Variants in PAK1IP1 observed in about 807,000 individuals in gnomAD.
PAK1IP1 encodes the protein PAK1 interacting protein 1, also known as p21-activated protein kinase-interacting protein 1.
A neutral mutation model predicts 42.0 loss-of-function variants in PAK1IP1; 24 were observed. The ratio of observed to expected loss-of-function variants is 0.57; its 90% confidence interval spans 0.41 to 0.80. PAK1IP1 has a LOEUF of 0.80. Ranked by LOEUF, PAK1IP1 falls within the 30% of genes least tolerant of loss-of-function variation. PAK1IP1 has a pLI of 0.00. For synonymous variants in PAK1IP1, 154 were observed against 156.7 expected, an observed-to-expected ratio of 0.98 and a Z score of 0.13; for missense variants, 411 against 467.9, an observed-to-expected ratio of 0.88 and a Z score of 1.12.
chr6:10,691,693 T>C (rs564853353), upstream of PAK1IP1, among the ~76,000 whole-genome samples: 44 of 152,206 alleles, frequency 2.9e-4, no homozygotes, highest in Non-Finnish European at 5.3e-4. Flanking sequence ...AAAATGTATA[T>C]CCACATATTT....
chr6:10,709,526 T>C lies in PAK1IP1; in HGVS notation c.*74T>C, dbSNP rs534588059. 6.2e-5 allele frequency: 58 copies of C among 937,840 alleles called. No homozygotes were observed. The highest frequency in any genetic ancestry group is 1.0e-4 in the African/African-American group (6 of 57,942). 58.1% of individuals were successfully genotyped at this position (937,840 alleles called of 1,614,324 possible). On this transcript the variant is annotated 3_prime_UTR_variant, in exon 10 of 10. Transcript: ENST00000379568. ...CAAATGTACCTTAATTTTTTTTTTT[T>C]CCCTGAGTAAAAGCAAGAAATTTCT...
upstream of PAK1IP1, among the ~76,000 whole-genome samples, chr6:10,691,067 GCT>G (rs1441754907): frequency 1.3e-5 from 2 of 152,166 alleles, no homozygotes; most frequent in Non-Finnish European, 2.9e-5. Context: ...AGCATTGCTG[GCT>G]CTGTTATTTA....
At chr6:10,708,890 C>T in intron 8 of PAK1IP1, 63 bp from the exon 9 acceptor site, 2 of 1,375,446 alleles carry the variant, frequency 1.5e-6, no homozygotes, top group Non-Finnish European at 2.0e-6. Context: ...ATTAAGGTAA[C>T]TTGATTATGG....
chr6:10,703,732 T>A (rs780296341), intron 5 of PAK1IP1, among the ~76,000 whole-genome samples: 1 of 152,258 alleles, frequency 6.6e-6, no homozygotes, highest in Non-Finnish European at 1.5e-5. Flanking sequence ...CTCGAGATAT[T>A]TCATTGTATA....
In PAK1IP1 at chr6:10,709,539, G is replaced by C; in HGVS notation, c.*87G>C. Reference sequence around the variant, plus strand: ...ATTTTTTTTTTTTCCCTGAGTAAAAGCAAGAAATTTCTTCCTTTGGAAAAA... The same window carrying C: ...ATTTTTTTTTTTTCCCTGAGTAAAACCAAGAAATTTCTTCCTTTGGAAAAA... On this transcript the variant is annotated 3_prime_UTR_variant, in exon 10 of 10. Coordinates refer to ENST00000379568, the MANE Select transcript of PAK1IP1 (RefSeq NM_017906.3). 5.3e-6 allele frequency: 4 copies of C among 754,500 alleles called. No homozygotes were observed. The highest frequency in any genetic ancestry group is 4.2e-5 in the Admixed American group (1 of 23,578). The allele number at this position is 754,500 out of a possible 1,614,324, so 46.7% of individuals were successfully genotyped here. A position where few individuals can be genotyped will look rare whatever the true frequency, so the allele number is the denominator to read the frequency against.
At position 10,709,618 on chromosome 6, in the gene PAK1IP1, A is replaced by T. The variant is rs1770322418; in HGVS notation, c.*166A>T. 2 of 423,922 alleles carry T rather than the reference A, an allele frequency of 4.7e-6. No homozygotes were observed. Among genetic ancestry groups the T allele is most frequent in the Non-Finnish European group, 8.1e-6 (2 of 247,196 alleles). 26.3% of individuals were successfully genotyped at this position (423,922 alleles called of 1,614,324 possible). On this transcript the variant is annotated 3_prime_UTR_variant, in exon 10 of 10. Coordinates refer to ENST00000379568, the MANE Select transcript of PAK1IP1 (RefSeq NM_017906.3). ...TGGTTTTTTTTAAAAAAAAAAAAAA[A>T]ACTGGTAAAATTACTTTTGGCAGAC...
chr6:10,694,595 C>CGAT, upstream of PAK1IP1: 1 of 178,892 alleles, frequency 5.6e-6, no homozygotes, highest in Admixed American at 5.9e-5. Context: ...CGCTACAGCC[C>CGAT]CTAAGCAACC....
upstream of PAK1IP1, among the ~76,000 whole-genome samples, chr6:10,692,354 C>A (rs1227980277): frequency 6.6e-6 from 1 of 152,068 alleles, no homozygotes; most frequent in East Asian, 1.9e-4. Flanking sequence ...CTGGTGGAAA[C>A]TTACACATTA....
At chr6:10,708,535 T>C (rs529717741) in intron 8 of PAK1IP1, among the ~76,000 whole-genome samples, 2 of 151,890 alleles carry the variant, frequency 1.3e-5, no homozygotes, top group Admixed American at 6.5e-5. Flanking sequence ...TGTTTTTTTT[T>C]CTTTTTTTTT....
chr6:10,693,704 AC>A (rs1299052829), upstream of PAK1IP1, among the ~76,000 whole-genome samples: 1 of 152,172 alleles, frequency 6.6e-6, no homozygotes, highest in Non-Finnish European at 1.5e-5. Flanking sequence ...TCTAAGACAT[AC>A]CTGAATCTCT....
At chr6:10,693,761 G>C (rs978749113), upstream of PAK1IP1, among the ~76,000 whole-genome samples, 1 of 152,038 alleles carries the variant, frequency 6.6e-6, no homozygotes, top group African/African-American at 2.4e-5. Flanking sequence ...AGGGGGCCTG[G>C]CTCGTCCCCC....
At chr6:10,694,046 G>T (rs1317367632), upstream of PAK1IP1, among the ~76,000 whole-genome samples, 5 of 152,038 alleles carry the variant, frequency 3.3e-5, no homozygotes, top group Admixed American at 6.6e-5. Flanking sequence ...GATCACCTGC[G>T]GTCGGGAGTT....
At chr6:10,691,918 T>C (rs2127473658), upstream of PAK1IP1, among the ~76,000 whole-genome samples, 1 of 152,328 alleles carries the variant, frequency 6.6e-6, no homozygotes, top group Non-Finnish European at 1.5e-5. Context: ...ACCAACTATA[T>C]TCTAAAATTC....
rs377019400 is a variant in PAK1IP1 at position 10,700,347 on chromosome 6, C to T, written c.248-2022C>T. 1.9e-4 allele frequency among the ~76,000 whole-genome samples: 29 copies of T among 152,242 alleles called. No homozygotes were observed. In the East Asian group the frequency reaches 3.9e-3, roughly 20 times the overall value. On this transcript the variant is annotated intron_variant, in intron 2 of 9. Transcript: ENST00000379568. ...TGCTGGGATTACAGGCGTGAGCCAC[C>T]GCGCCCTGCCAAAAAAAACAACTTT...
chr6:10,702,865 G>A (rs938351469), intron 4 of PAK1IP1, among the ~76,000 whole-genome samples: 2 of 151,934 alleles, frequency 1.3e-5, no homozygotes, highest in Admixed American at 6.6e-5. Flanking sequence ...GGAGTGCGGC[G>A]GCGTGATCTT....
chr6:10,705,569 C>T (rs1174704106), intron 7 of PAK1IP1, among the ~76,000 whole-genome samples: 4 of 151,862 alleles, frequency 2.6e-5, no homozygotes, highest in Non-Finnish European at 4.4e-5. Flanking sequence ...TTATTGAGTT[C>T]CTGTTTTGTG....
chr6:10,708,306 G>A (rs1368611397), intron 8 of PAK1IP1, among the ~76,000 whole-genome samples: 1 of 135,786 alleles, frequency 7.4e-6, no homozygotes, highest in African/African-American at 3.9e-5. Flanking sequence ...CTTTTGTGAC[G>A]GGCGTTTTTC....
chr6:10,709,537 A>C lies in PAK1IP1; in HGVS notation c.*85A>C. ...TAATTTTTTTTTTTTCCCTGAGTAAAAGCAAGAAATTTCTTCCTTTGGAAA... is the reference window on the plus strand; with the variant it reads ...TAATTTTTTTTTTTTCCCTGAGTAACAGCAAGAAATTTCTTCCTTTGGAAA... On this transcript the variant is annotated 3_prime_UTR_variant, in exon 10 of 10. Transcript: ENST00000379568. The C allele has an allele frequency of 1.2e-6, 1 of 828,180 alleles. No homozygotes were observed. Among genetic ancestry groups the C allele is most frequent in the Non-Finnish European group, 1.7e-6 (1 of 584,574 alleles). The allele number at this position is 828,180 out of a possible 1,614,324, so 51.3% of individuals were successfully genotyped here. A position where few individuals can be genotyped will look rare whatever the true frequency, so the allele number is the denominator to read the frequency against.
intron 1 of PAK1IP1, 43 bp from the exon 2 acceptor site, chr6:10,697,281 T>A: frequency 6.4e-7 from 1 of 1,565,186 alleles, no homozygotes; most frequent in Non-Finnish European, 8.8e-7. Context: ...TTGGTAGAAC[T>A]GTGGTGTGAC....
Sources: gnomAD v4.1 joint callset for allele counts (sites outside exome capture counted in the v4.1 genomes callset) on GRCh38, gnomAD v4.1.1 for gene constraint, MANE v1.5 for transcripts, NCBI Gene and HGNC (gene_info 2026-07-23, HGNC 2026-07-21) for gene names.